Variants in RELL1 observed in about 807,000 individuals in gnomAD.
RELL1 encodes the protein RELT-like protein 1.
In RELL1, 10 loss-of-function variants were observed where a neutral mutation model predicts 23.0. That is an observed-to-expected ratio of 0.43 (90% CI 0.27 to 0.74). The LOEUF (loss-of-function observed/expected upper bound fraction) is 0.74. Ranked by LOEUF, RELL1 falls within the 30% of genes least tolerant of loss-of-function variation. The pLI, the probability that RELL1 is intolerant of heterozygous loss-of-function variation, is 0.19. For missense variants in RELL1, 315 were observed against 364.4 expected (o/e 0.86, Z 1.10); for synonymous variants, 146 against 146.8 (o/e 0.99, Z 0.04).
At chr4:37,605,821 A>G (rs1280663537), downstream of RELL1, among the ~76,000 whole-genome samples, 1 of 121,638 alleles carries the variant, frequency 8.2e-6, no homozygotes, top group African/African-American at 2.6e-5. Context: ...GAAAGAAAGA[A>G]AGAAAGAAAG....
At chr4:37,597,412 A>T (rs1364112620) in intron 6 of RELL1, among the ~76,000 whole-genome samples, 1 of 152,206 alleles carries the variant, frequency 6.6e-6, no homozygotes. Context: ...ACAACAATGC[A>T]ATTTCTCTTG....
At chr4:37,630,695 G>A (rs574815875) in intron 6 of RELL1, among the ~76,000 whole-genome samples, 1 of 151,620 alleles carries the variant, frequency 6.6e-6, no homozygotes, top group African/African-American at 2.4e-5. Flanking sequence ...TTTTTTTTAA[G>A]CAGTGTCTTG....
chr4:37,655,123 C>T (rs17423497), intron 1 of RELL1, among the ~76,000 whole-genome samples: 1 of 152,034 alleles, frequency 6.6e-6, no homozygotes, highest in African/African-American at 2.4e-5. Flanking sequence ...AATTTTGCCT[C>T]CCGGTTCTGT....
At chr4:37,631,349 C>T (rs1720121795) in intron 6 of RELL1, 36 bp downstream of exon 6, 1 of 1,591,894 alleles carries the variant, frequency 6.3e-7, no homozygotes. Flanking sequence ...CACCCTGCAC[C>T]ACTCTGCCCC....
At chr4:37,619,754 A>G (rs1014298643) in intron 6 of RELL1, among the ~76,000 whole-genome samples, 1 of 151,980 alleles carries the variant, frequency 6.6e-6, no homozygotes, top group Non-Finnish European at 1.5e-5. Context: ...TTTAATTTGC[A>G]GAGACAGGAT....
chr4:37,669,183 G>T (rs1387658801), intron 1 of RELL1, among the ~76,000 whole-genome samples: 2 of 2,016 alleles, frequency 9.9e-4, no homozygotes, highest in South Asian at 0.05. Context: ...GAGGGAGGTG[G>T]GGGGGGGGGT....
intron 6 of RELL1, among the ~76,000 whole-genome samples, chr4:37,620,941 C>G (rs1441222635): frequency 6.6e-6 from 1 of 152,186 alleles, no homozygotes; most frequent in Non-Finnish European, 1.5e-5. Context: ...TTATTATCCC[C>G]ACTTAACAGA....
chr4:37,619,841 G>A (rs1415481716), intron 6 of RELL1, among the ~76,000 whole-genome samples: 1 of 152,230 alleles, frequency 6.6e-6, no homozygotes, highest in African/African-American at 2.4e-5. Flanking sequence ...AAAGCACTGG[G>A]ATTACAGGTG....
chr4:37,685,810 C>G (rs1722384427), intron 1 of RELL1, among the ~76,000 whole-genome samples: 1 of 152,254 alleles, frequency 6.6e-6, no homozygotes, highest in Non-Finnish European at 1.5e-5. Flanking sequence ...CTCTGTGTCA[C>G]GATCTTCCGC....
At chr4:37,594,257 G>A (rs1414303565) in intron 6 of RELL1, among the ~76,000 whole-genome samples, 1 of 152,204 alleles carries the variant, frequency 6.6e-6, no homozygotes, top group Non-Finnish European at 1.5e-5. Flanking sequence ...GTCTAACAGT[G>A]AGCTGTCTGA....
At chr4:37,627,663 A>G (rs1249990439) in intron 6 of RELL1, among the ~76,000 whole-genome samples, 3 of 152,228 alleles carry the variant, frequency 2.0e-5, no homozygotes, top group Non-Finnish European at 4.4e-5. Flanking sequence ...TTAGAATATA[A>G]GTTTAGTTTC....
In RELL1 at chr4:37,598,725, C is replaced by T. The variant is rs1010419650; in HGVS notation, c.*4-7508G>A. Among the ~76,000 whole-genome samples the T allele has an allele frequency of 6.6e-5, 10 of 151,990 alleles. No individual in the cohort carries two copies. In the East Asian group the frequency reaches 7.8e-4, roughly 12 times the overall value. ...TTTGAGATGGAGTCTCGCTCTGTCA[C>T]CCAGGCTGGAGTGCAGTGGTGTGAT... On this transcript the variant is annotated intron_variant, in intron 6 of 6. Coordinates refer to the RELL1 transcript ENST00000314117.
intron 6 of RELL1, among the ~76,000 whole-genome samples, chr4:37,600,018 C>CCAG (rs1371403743): frequency 1.2e-4 from 18 of 152,156 alleles, no homozygotes; most frequent in African/African-American, 4.3e-4. Flanking sequence ...GCCTGTAAAC[C>CCAG]CAGCACTCCG....
chr4:37,630,710 A>AT (rs2109257314), intron 6 of RELL1, among the ~76,000 whole-genome samples: 1 of 152,048 alleles, frequency 6.6e-6, no homozygotes, highest in East Asian at 1.9e-4. Context: ...GTCTTGCAAA[A>AT]TTAAAATTGC....
rs1279174315 is a variant in RELL1, at chr4:37,661,043, C to A, written c.89-11543G>T. Reference sequence around the variant, plus strand: ...GAGACTCTGTCTCAAAAAAAAAAAACAAAAAACAAAAAACCACAAACAAAC... The same window carrying A: ...GAGACTCTGTCTCAAAAAAAAAAAAAAAAAAACAAAAAACCACAAACAAAC... On this transcript the variant is annotated intron_variant, in intron 1 of 6. Transcript: ENST00000454158. 9.4e-5 allele frequency among the ~76,000 whole-genome samples: 14 copies of A among 149,264 alleles called. No individual in the cohort carries two copies. In the East Asian group the frequency reaches 1.4e-3, roughly 15 times the overall value.
chr4:37,625,488 A>G (rs1334383553), intron 6 of RELL1, among the ~76,000 whole-genome samples: 2 of 152,228 alleles, frequency 1.3e-5, no homozygotes, highest in Non-Finnish European at 2.9e-5. Context: ...TCCAAAATAT[A>G]TAAGAAACAC....
chr4:37,593,879 T>C (rs1249049279), intron 6 of RELL1, among the ~76,000 whole-genome samples: 1 of 152,156 alleles, frequency 6.6e-6, no homozygotes, highest in Non-Finnish European at 1.5e-5. Flanking sequence ...CAACTTCCCA[T>C]TGATAACTCC....
At chr4:37,619,142 G>C (rs1719680809) in intron 6 of RELL1, among the ~76,000 whole-genome samples, 1 of 151,318 alleles carries the variant, frequency 6.6e-6, no homozygotes, top group Admixed American at 6.6e-5. Flanking sequence ...GCCTCCCAAA[G>C]TGCTGGGATC....
intron 1 of RELL1, among the ~76,000 whole-genome samples, chr4:37,664,035 T>A (rs376443805): frequency 6.8e-4 from 103 of 152,284 alleles, no homozygotes; most frequent in African/African-American, 2.3e-3. Context: ...CTTCATTTTT[T>A]AAAAACCTTC....
Sources: allele counts gnomAD v4.1 joint callset (sites outside exome capture counted in the v4.1 genomes callset), GRCh38; gene constraint gnomAD v4.1.1; transcripts MANE v1.5; gene names NCBI Gene and HGNC (gene_info 2026-07-23, HGNC 2026-07-21).